The following LEMD1 variants were observed in gnomAD, a reference collection of about 807,000 sequenced individuals.
LEMD1 encodes LEM domain-containing protein 1.
LEMD1 carries 18 observed loss-of-function variants against 17.4 expected under a neutral mutation model. The observed-to-expected ratio is 1.04, with a 90% confidence interval of 0.72 to 1.54. The LOEUF is 1.54. Ranked by LOEUF, LEMD1 falls within the 40% of genes most tolerant of loss-of-function variation. LEMD1 has a pLI of 0.00. For missense variants in LEMD1, 195 were observed against 210.4 expected (o/e 0.93, Z 0.45); for synonymous variants, 88 against 77.8 (o/e 1.13, Z -0.69).
intron 1 of LEMD1, among the ~76,000 whole-genome samples, chr1:205,429,313 T>C (rs185291398): frequency 2.0e-5 from 3 of 152,308 alleles, no homozygotes; most frequent in Admixed American, 2.0e-4. Context: ...GAATATGATA[T>C]CCACGCTGGT....
At position 205,411,203 on chromosome 1, in the gene LEMD1, GAAGA is replaced by G. The variant is rs373933919; in HGVS notation, c.270+5025_270+5028del. ...GAAAGAAGGAAAGGAAGGAAGGAAG[GAAGA>G]AAGAAAGAAAGGAAGGAAGGAGGGA... is the stretch of plus-strand genomic sequence containing the variant. On this transcript the variant is annotated intron_variant, in intron 4 of 5. Transcript: ENST00000367153. Among the ~76,000 whole-genome samples the G allele has an allele frequency of 6.6e-4, 85 of 129,120 alleles. 1 individual carries two copies. Among genetic ancestry groups the G allele is most frequent in the South Asian group, 4.6e-3 (17 of 3,704 alleles). 84.7% of individuals were successfully genotyped at this position (129,120 alleles called of 152,430 possible).
intron 2 of LEMD1, among the ~76,000 whole-genome samples, chr1:205,419,694 G>A (rs933770057): frequency 2.0e-5 from 3 of 152,178 alleles, no homozygotes; most frequent in East Asian, 1.9e-4. Context: ...TTGAATTCCT[G>A]ACCTCAAGTG....
intron 1 of LEMD1, among the ~76,000 whole-genome samples, chr1:205,438,539 G>A (rs556557397): frequency 6.6e-6 from 1 of 152,362 alleles, no homozygotes; most frequent in East Asian, 1.9e-4. Context: ...TGCTTCCTGA[G>A]ATGCTAAAAG....
chr1:205,418,862 A>C (rs1217749657), intron 3 of LEMD1, among the ~76,000 whole-genome samples: 1 of 152,180 alleles, frequency 6.6e-6, no homozygotes, highest in Non-Finnish European at 1.5e-5. Flanking sequence ...CCCCCAAAAT[A>C]ATGGTCAGAT....
chr1:205,381,727 A>G lies in LEMD1; in HGVS notation c.477T>C (p.Ala159=), dbSNP rs1663703156. 3 of 1,614,258 alleles carry G rather than the reference A, an allele frequency of 1.9e-6. No individual in the cohort carries two copies. Among genetic ancestry groups the G allele is most frequent in the Non-Finnish European group, 1.7e-6 (2 of 1,180,050 alleles). The change falls in exon 6 of 6, where the codon GCT becomes GCC. Residue 159 remains alanine (A), a synonymous_variant. Coordinates refer to ENST00000367153, the MANE Select transcript of LEMD1 (RefSeq NM_001199050.2). ...EEGFPVGLKL[A]VLGIFIIVVF... is the part of the protein sequence containing the mutation. Reference sequence around the variant, plus strand: ...CCACAATGATGAAAATACCAAGCACAGCAAGCTTCAAGCCCACTGGGAAAC... The same window carrying G: ...CCACAATGATGAAAATACCAAGCACGGCAAGCTTCAAGCCCACTGGGAAAC...
chr1:205,430,994 T>C lies in LEMD1; in HGVS notation c.-38-10420A>G, dbSNP rs139903830. Among the ~76,000 whole-genome samples the C allele has an allele frequency of 6.5e-4, 99 of 152,236 alleles. No individual in the cohort carries two copies. In the East Asian group the frequency reaches 0.018, roughly 27 times the overall value. On this transcript the variant is annotated intron_variant, in intron 1 of 3. Transcript: ENST00000367154. ...AGGCTGAGATGATGGGAGAGCGCCG[T>C]CTGCAGGATGCTCCCTAAAATGCAG...
chr1:205,382,968 AC>A (rs547631990), intron 5 of LEMD1, among the ~76,000 whole-genome samples: 194 of 152,340 alleles, frequency 1.3e-3, no homozygotes, highest in African/African-American at 4.4e-3. Context: ...AGAAAGCTTT[AC>A]TTTCTGACTA....
chr1:205,439,587 G>A (rs1329227949), intron 1 of LEMD1, among the ~76,000 whole-genome samples: 1 of 152,214 alleles, frequency 6.6e-6, no homozygotes, highest in Non-Finnish European at 1.5e-5. Context: ...CCAAGGAAAG[G>A]GGAGCCCTGA....
At chr1:205,428,011 G>A (rs180876146) in intron 1 of LEMD1, among the ~76,000 whole-genome samples, 4 of 152,340 alleles carry the variant, frequency 2.6e-5, no homozygotes, top group African/African-American at 9.6e-5. Context: ...TGGGTGACTG[G>A]CAACGGGTGA....
At chr1:205,429,747 C>A (rs915357692) in intron 1 of LEMD1, among the ~76,000 whole-genome samples, 3 of 151,490 alleles carry the variant, frequency 2.0e-5, no homozygotes, top group Admixed American at 2.0e-4. Context: ...GCACCTTACC[C>A]GAGAAGGGCA....
At chr1:205,432,502 A>G (rs1236905495) in intron 1 of LEMD1, among the ~76,000 whole-genome samples, 4 of 152,270 alleles carry the variant, frequency 2.6e-5, no homozygotes, top group African/African-American at 9.6e-5. Context: ...CCAAGAGATC[A>G]AAACCTGAAG....
In LEMD1 at chr1:205,416,300, G is replaced by T; in HGVS notation, c.206-4C>A. 6.5e-7 allele frequency: 1 copy of T among 1,543,522 alleles called. No homozygotes were observed. On this transcript the variant is annotated splice_region_variant and splice_polypyrimidine_tract_variant and intron_variant, in intron 3 of 5. Transcript: ENST00000367153. ...CCTTGCAAAATGATATTAAGCTCTG[G>T]ATCATGGGAAACAAAAGGAAAATAG... is the stretch of plus-strand genomic sequence containing the variant.
chr1:205,427,549 G>T, intron 1 of LEMD1, among the ~76,000 whole-genome samples: 1 of 152,058 alleles, frequency 6.6e-6, no homozygotes, highest in Admixed American at 6.6e-5. Flanking sequence ...AAGGGAATGG[G>T]TTTTCACCGC....
intron 4 of LEMD1, among the ~76,000 whole-genome samples, chr1:205,399,109 G>A (rs1276416191): frequency 6.6e-6 from 1 of 152,032 alleles, no homozygotes; most frequent in African/African-American, 2.4e-5. Context: ...CAGCTACTCG[G>A]GAGGTTGAGG....
At chr1:205,392,919 C>T (rs1574951067) in intron 4 of LEMD1, among the ~76,000 whole-genome samples, 2 of 152,148 alleles carry the variant, frequency 1.3e-5, no homozygotes, top group East Asian at 3.8e-4. Flanking sequence ...CATAATCAAA[C>T]TTCTGAAAAC....
At chr1:205,437,980 A>G (rs1269253203) in intron 1 of LEMD1, 1 of 152,186 alleles carries the variant, frequency 6.6e-6, no homozygotes, top group Non-Finnish European at 1.5e-5. Context: ...CATATGCTAC[A>G]TGCAAAAAGC....
At chr1:205,447,174 G>T (rs1171933206) in intron 1 of LEMD1, among the ~76,000 whole-genome samples, 1 of 152,210 alleles carries the variant, frequency 6.6e-6, no homozygotes, top group African/African-American at 2.4e-5. Context: ...GTGGGTTCAC[G>T]TCCCAGTTGT....
At chr1:205,392,912 A>C (rs1193294914) in intron 4 of LEMD1, among the ~76,000 whole-genome samples, 1 of 152,218 alleles carries the variant, frequency 6.6e-6, no homozygotes, top group Non-Finnish European at 1.5e-5. Context: ...GACACATCAT[A>C]ATCAAACTTC....
chr1:205,423,644 G>A (rs1471574517), upstream of LEMD1, among the ~76,000 whole-genome samples: 1 of 152,150 alleles, frequency 6.6e-6, no homozygotes, highest in Non-Finnish European at 1.5e-5. Context: ...AAATCCACCA[G>A]CATAGTTATG....
Sources: gnomAD v4.1 joint callset for allele counts (sites outside exome capture counted in the v4.1 genomes callset) on GRCh38, gnomAD v4.1.1 for gene constraint, MANE v1.5 for transcripts, NCBI Gene and HGNC (gene_info 2026-07-23, HGNC 2026-07-21) for gene names.